Variants in C14orf132 observed in about 807,000 individuals in gnomAD.
The protein encoded by C14orf132 is chromosome 14 open reading frame 132.
In C14orf132, 6 loss-of-function variants were observed where a neutral mutation model predicts 5.8. That is an observed-to-expected ratio of 1.03 (90% CI 0.57 to 2.04). The LOEUF (loss-of-function observed/expected upper bound fraction) is 2.04, where lower values mean the gene tolerates loss of function less well. Among genes scored for constraint, C14orf132 ranks in the 30% most tolerant of loss-of-function variants. C14orf132 has a pLI of 0.00. For synonymous variants in C14orf132, 51 were observed against 49.8 expected, an observed-to-expected ratio of 1.02 and a Z score of -0.10; for missense variants, 125 against 115.8, an observed-to-expected ratio of 1.08 and a Z score of -0.37.
At chr14:96,063,810 ACTAT>A (rs1566828907) in intron 1 of C14orf132, among the ~76,000 whole-genome samples, 1 of 152,140 alleles carries the variant, frequency 6.6e-6, no homozygotes, top group East Asian at 1.9e-4. Context: ...GAAAATCTTC[ACTAT>A]CTATACATCT....
rs1045964079 is a variant in C14orf132 at position 96,072,945 on chromosome 14, C to T, written c.28-13566C>T. 1.6e-4 allele frequency among the ~76,000 whole-genome samples: 24 copies of T among 152,312 alleles called. No homozygotes were observed. The South Asian group carries it at 2.3e-3, about 14-fold the overall frequency. ...TGAATAAAGCTATTGTAAACATTTG[C>T]ACACAGGTTTTTGGTGAACACCAGT... On this transcript the variant is annotated intron_variant, in intron 1 of 1. Transcript: ENST00000555004.
intron 1 of C14orf132, among the ~76,000 whole-genome samples, chr14:96,052,309 T>C (rs973069474): frequency 6.6e-6 from 1 of 152,226 alleles, no homozygotes. Context: ...GACAGGCTGG[T>C]GCCAGAGGTG....
Position 96,049,624 on chromosome 14 carries a change from ATATATACATATATACG to A in C14orf132, c.27+10104_27+10119del, listed in dbSNP as rs1484323331. ...CGTATATATATACATATATACGTAT[ATATATACATATATACG>A]TATATATATATATAGAGAGAGAGAG... is the stretch of plus-strand genomic sequence containing the variant. On this transcript the variant is annotated intron_variant, in intron 1 of 1. Transcript: ENST00000555004. 6.0e-3 allele frequency among the ~76,000 whole-genome samples: 552 copies of A among 91,266 alleles called. 47 individuals are homozygous for A. The highest frequency in any genetic ancestry group is 0.026 in the African/African-American group (477 of 18,652). 59.9% of individuals were successfully genotyped at this position (91,266 alleles called of 152,430 possible). A position where few individuals can be genotyped will look rare whatever the true frequency, so the allele number is the denominator to read the frequency against.
At chr14:96,085,035 C>G (rs999574464) in intron 1 of C14orf132, among the ~76,000 whole-genome samples, 2 of 152,186 alleles carry the variant, frequency 1.3e-5, no homozygotes, top group Non-Finnish European at 2.9e-5. Context: ...GCATGCAGAG[C>G]CGGGAGTGCC....
At chr14:96,067,695 G>A (rs1887574037) in intron 1 of C14orf132, among the ~76,000 whole-genome samples, 1 of 147,828 alleles carries the variant, frequency 6.8e-6, no homozygotes. Context: ...GTGAAACTCC[G>A]CCTAAAAAAA....
Position 96,086,561 on chromosome 14 carries a change from C to G in C14orf132, c.78C>G (p.Ser26Arg), listed in dbSNP as rs1275166269. 1.3e-6 allele frequency: 2 copies of G among 1,536,152 alleles called. No individual in the cohort carries two copies. The highest frequency in any genetic ancestry group is 2.4e-5 in the South Asian group (2 of 84,068). The change falls in exon 2 of 2, where the codon AGC becomes AGG. Residue 26 changes from serine (S) to arginine (R), a missense_variant. By Grantham distance (110) the Ser-to-Arg change is moderately radical. Transcript: ENST00000555004. ...AFMDSPNEDF[S>R]TEYSLFNSSA... ...TGGACTCGCCCAACGAGGACTTCAG[C>G]ACCGAGTACTCCCTGTTTAACTCCT...
Position 96,065,083 on chromosome 14 carries a change from C to T in C14orf132, c.28-21428C>T, listed in dbSNP as rs1316098238. Among the ~76,000 whole-genome samples, 7 of 151,918 alleles carry T rather than the reference C, an allele frequency of 4.6e-5. No individual in the cohort carries two copies. In the South Asian group the frequency reaches 1.2e-3, roughly 27 times the overall value. Reference sequence around the variant, plus strand: ...GTGACTTCCTGGACATCATGTGTAGCGGTCGGGGGAGTTTTCTCTGGCTTC... The same window carrying T: ...GTGACTTCCTGGACATCATGTGTAGTGGTCGGGGGAGTTTTCTCTGGCTTC... On this transcript the variant is annotated intron_variant, in intron 1 of 1. Transcript: ENST00000555004.
intron 1 of C14orf132, among the ~76,000 whole-genome samples, chr14:96,082,378 C>A (rs1410734915): frequency 6.6e-6 from 1 of 152,174 alleles, no homozygotes; most frequent in African/African-American, 2.4e-5. Flanking sequence ...AGCTCCTGAT[C>A]AAATTTTTGT....
rs1566838586 is a variant in C14orf132, at chr14:96,087,630, C to T, written c.*895C>T. On this transcript the variant is annotated 3_prime_UTR_variant, in exon 2 of 2. Transcript: ENST00000555004. ...CGGAACAGAAAGATGTGTCCTCACT[C>T]TCAGCTCACTGAGCTCTCTGCCCCA... The T allele has an allele frequency of 1.3e-5, 2 of 152,310 alleles. No individual in the cohort carries two copies. The highest frequency in any genetic ancestry group is 6.5e-5 in the Admixed American group (1 of 15,298). 9.4% of individuals were successfully genotyped at this position (152,310 alleles called of 1,614,324 possible).
In C14orf132 at chr14:96,039,588, G is replaced by T; in HGVS notation, c.27+61G>T. The stretch of plus-strand genomic sequence containing the variant: ...CAAGTTTGGGGAGGTTCGGGGCCAC[G>T]GTCTCGCCCTCCACGCTGGGGCTGG... On this transcript the variant is annotated intron_variant, in intron 1 of 1. Coordinates refer to ENST00000555004, the MANE Select transcript of C14orf132 (RefSeq NM_001252507.3). This position sits in a 1 kb window ranked among gnomAD's most constrained non-coding sequence, Gnocchi z 5.3. 6.9e-7 allele frequency: 1 copy of T among 1,449,018 alleles called. No homozygotes were observed. Among genetic ancestry groups the T allele is most frequent in the South Asian group, 1.3e-5 (1 of 74,888 alleles). 89.8% of individuals were successfully genotyped at this position (1,449,018 alleles called of 1,614,324 possible). A position where few individuals can be genotyped will look rare whatever the true frequency, so the allele number is the denominator to read the frequency against.
At chr14:96,082,688 C>T (rs997660393) in intron 1 of C14orf132, among the ~76,000 whole-genome samples, 3 of 152,132 alleles carry the variant, frequency 2.0e-5, no homozygotes, top group African/African-American at 7.2e-5. Flanking sequence ...AAGCACATGA[C>T]CAGAAATGCC....
chr14:96,078,534 G>A (rs1471482545), intron 1 of C14orf132, among the ~76,000 whole-genome samples: 1 of 152,140 alleles, frequency 6.6e-6, no homozygotes, highest in Non-Finnish European at 1.5e-5. Flanking sequence ...TTGCTTGTTG[G>A]AGCTTGCCTG....
chr14:96,054,940 C>G (rs1329988005), intron 1 of C14orf132, among the ~76,000 whole-genome samples: 1 of 152,200 alleles, frequency 6.6e-6, no homozygotes, highest in African/African-American at 2.4e-5. Context: ...GGAGATCTCT[C>G]TTTCCTAAAC....
At chr14:96,074,575 T>C (rs1052298593) in intron 1 of C14orf132, among the ~76,000 whole-genome samples, 1 of 152,082 alleles carries the variant, frequency 6.6e-6, no homozygotes, top group African/African-American at 2.4e-5. Flanking sequence ...TGCAGCTGTT[T>C]TGTAATTTTT....
chr14:96,044,582 T>C (rs1021205801), intron 1 of C14orf132, among the ~76,000 whole-genome samples: 4 of 152,316 alleles, frequency 2.6e-5, no homozygotes, highest in Non-Finnish European at 5.9e-5. Context: ...AAATTCATTC[T>C]GTCATGGTTC....
intron 1 of C14orf132, among the ~76,000 whole-genome samples, chr14:96,072,850 G>C (rs1182671178): frequency 6.6e-6 from 1 of 152,192 alleles, no homozygotes; most frequent in African/African-American, 2.4e-5. Flanking sequence ...GATTATATTG[G>C]GTGAATGTAG....
chr14:96,048,243 G>T (rs1270512009), intron 1 of C14orf132, among the ~76,000 whole-genome samples: 2 of 152,126 alleles, frequency 1.3e-5, no homozygotes, highest in African/African-American at 4.8e-5. Flanking sequence ...GTTCTCTCTT[G>T]GTGTTGTACA....
intron 1 of C14orf132, among the ~76,000 whole-genome samples, chr14:96,081,144 G>T (rs1888020762): frequency 6.6e-6 from 1 of 152,066 alleles, no homozygotes; most frequent in Non-Finnish European, 1.5e-5. Context: ...AATCCAAGTT[G>T]GTACTTTTAC....
chr14:96,090,680 C>T lies in C14orf132; in HGVS notation c.*3945C>T, dbSNP rs1320275219. The T allele has an allele frequency of 4.4e-6, 2 of 455,928 alleles. No homozygotes were observed. Among genetic ancestry groups the T allele is most frequent in the African/African-American group, 2.0e-5 (1 of 50,076 alleles). 28.2% of individuals were successfully genotyped at this position (455,928 alleles called of 1,614,324 possible). On this transcript the variant is annotated 3_prime_UTR_variant, in exon 2 of 2. Coordinates refer to ENST00000555004, the MANE Select transcript of C14orf132 (RefSeq NM_001252507.3). ...AAATGATTCTCGCTCCTTTCAGATC[C>T]CCCAGGATCTGAGGGAGAAAGGATG...
Sources: gnomAD v4.1 joint callset for allele counts (sites outside exome capture counted in the v4.1 genomes callset) on GRCh38, gnomAD v4.1.1 for gene constraint, Gnocchi (gnomAD v3.1) non-coding constraint, MANE v1.5 for transcripts, NCBI Gene and HGNC (gene_info 2026-07-23, HGNC 2026-07-21) for gene names.